KCNIP4: variants seen among roughly 807,000 people sequenced by gnomAD.
The protein encoded by KCNIP4 is Kv channel-interacting protein 4.
Under a neutral mutation model 34.0 loss-of-function variants are expected in KCNIP4, and 12 were observed. The ratio of observed to expected loss-of-function variants is 0.35; its 90% CI spans 0.23 to 0.57. KCNIP4 has a LOEUF of 0.57. Ranked by LOEUF, KCNIP4 falls within the 20% of genes least tolerant of loss-of-function variation. The pLI is 0.83. For synonymous variants in KCNIP4, 124 were observed against 102.2 expected, an observed-to-expected ratio of 1.21 and a Z score of -1.29; for missense variants, 238 against 311.7, an observed-to-expected ratio of 0.76 and a Z score of 1.78.
chr4:21,614,583 A>T (rs1055648830), intron 1 of KCNIP4, among the ~76,000 whole-genome samples: 27 of 148,422 alleles, frequency 1.8e-4, no homozygotes, highest in African/African-American at 5.9e-4. Context: ...TATAAAATAA[A>T]ATTACATTAC....
chr4:21,620,041 G>A (rs1577704784), intron 1 of KCNIP4, among the ~76,000 whole-genome samples: 2 of 152,340 alleles, frequency 1.3e-5, no homozygotes, highest in Non-Finnish European at 2.9e-5. Flanking sequence ...AGAAGTAAGG[G>A]TAGGTAATAT....
At chr4:21,819,017 T>C (rs1360985103) in intron 1 of KCNIP4, among the ~76,000 whole-genome samples, 1 of 152,240 alleles carries the variant, frequency 6.6e-6, no homozygotes, top group Non-Finnish European at 1.5e-5. Context: ...GGTTCTAGCA[T>C]GACCACACTT....
At chr4:20,739,164 A>G (rs981030101) in intron 5 of KCNIP4, among the ~76,000 whole-genome samples, 2 of 152,234 alleles carry the variant, frequency 1.3e-5, no homozygotes, top group African/African-American at 4.8e-5. Flanking sequence ...GGGGCAGGTC[A>G]TAGCTGAACA....
At chr4:20,793,297 G>C (rs1713018050) in intron 3 of KCNIP4, among the ~76,000 whole-genome samples, 1 of 152,136 alleles carries the variant, frequency 6.6e-6, no homozygotes, top group South Asian at 2.1e-4. Flanking sequence ...AAAGGATTAA[G>C]ACTAAGTGAA....
At position 21,653,071 on chromosome 4, in the gene KCNIP4, T is replaced by C. The variant is rs559266208; in HGVS notation, c.61+295500A>G. 1.4e-4 allele frequency among the ~76,000 whole-genome samples: 21 copies of C among 152,360 alleles called. No homozygotes were observed. In the South Asian group the frequency reaches 4.1e-3, roughly 30 times the overall value. ...CAAGAGCACCAGACCTCTCTGGTGA[T>C]ATTCCACAAATTCATTATGCACCTT... On this transcript the variant is annotated intron_variant, in intron 1 of 8. Coordinates refer to ENST00000382152, the MANE Select transcript of KCNIP4 (RefSeq NM_025221.6).
At chr4:21,062,240 A>G (rs1250796247) in intron 1 of KCNIP4, among the ~76,000 whole-genome samples, 1 of 152,192 alleles carries the variant, frequency 6.6e-6, no homozygotes, top group East Asian at 1.9e-4. Context: ...CAAATGGATA[A>G]GAAATCTCTC....
chr4:21,355,016 A>G (rs1432661104), intron 1 of KCNIP4, among the ~76,000 whole-genome samples: 2 of 152,322 alleles, frequency 1.3e-5, no homozygotes, highest in Non-Finnish European at 2.9e-5. Context: ...ACTCAACTAC[A>G]TGGAAACTGA....
chr4:21,479,167 A>T (rs903771261), intron 1 of KCNIP4, among the ~76,000 whole-genome samples: 1 of 152,188 alleles, frequency 6.6e-6, no homozygotes, highest in Non-Finnish European at 1.5e-5. Context: ...CAGTATCTGC[A>T]GGGCATAAGT....
At chr4:20,823,978 C>T (rs1717414268) in intron 3 of KCNIP4, among the ~76,000 whole-genome samples, 1 of 152,152 alleles carries the variant, frequency 6.6e-6, no homozygotes. Flanking sequence ...GCTTGAACCC[C>T]AGCACTGCTA....
intron 3 of KCNIP4, among the ~76,000 whole-genome samples, chr4:20,822,395 G>A (rs1210074596): frequency 6.6e-6 from 1 of 152,124 alleles, no homozygotes. Context: ...TGCAAGAATG[G>A]CCATAATTAA....
intron 1 of KCNIP4, among the ~76,000 whole-genome samples, chr4:21,170,139 A>G (rs904352613): frequency 6.6e-6 from 1 of 152,108 alleles, no homozygotes; most frequent in Non-Finnish European, 1.5e-5. Context: ...TATTTTTGGA[A>G]ATTGTTCTGA....
At chr4:21,659,938 T>C (rs1036909061) in intron 1 of KCNIP4, among the ~76,000 whole-genome samples, 3 of 152,190 alleles carry the variant, frequency 2.0e-5, no homozygotes, top group Admixed American at 2.0e-4. Flanking sequence ...TCCCTTTTCG[T>C]TTGTTCCATG....
At chr4:21,862,937 G>GA (rs1725172760) in intron 1 of KCNIP4, among the ~76,000 whole-genome samples, 1 of 147,378 alleles carries the variant, frequency 6.8e-6, no homozygotes, top group Non-Finnish European at 1.5e-5. Context: ...CTCCAGCCTG[G>GA]GTGACCGAGT....
intron 1 of KCNIP4, among the ~76,000 whole-genome samples, chr4:21,186,899 C>T (rs1368863687): frequency 6.6e-6 from 1 of 152,130 alleles, no homozygotes; most frequent in African/African-American, 2.4e-5. Context: ...TCCCTCATCC[C>T]AAAGTGCTGG....
At chr4:21,384,627 G>A (rs192653716) in intron 1 of KCNIP4, among the ~76,000 whole-genome samples, 15 of 152,318 alleles carry the variant, frequency 9.8e-5, no homozygotes, top group Admixed American at 7.2e-4. Flanking sequence ...AACATTTACC[G>A]TGTGCTCACA....
intron 1 of KCNIP4, among the ~76,000 whole-genome samples, chr4:20,968,192 G>A (rs1734568230): frequency 6.6e-6 from 1 of 152,142 alleles, no homozygotes; most frequent in Admixed American, 6.5e-5. Flanking sequence ...ATCATCACTG[G>A]CCATCAGAGA....
intron 1 of KCNIP4, among the ~76,000 whole-genome samples, chr4:21,633,927 ATACT>A (rs1288970509): frequency 6.6e-6 from 1 of 152,076 alleles, no homozygotes; most frequent in Admixed American, 6.6e-5. Flanking sequence ...TTATTAGAAA[ATACT>A]TACATTCTCA....
At chr4:21,460,616 C>T (rs539758715) in intron 1 of KCNIP4, among the ~76,000 whole-genome samples, 15 of 152,080 alleles carry the variant, frequency 9.9e-5, no homozygotes, top group African/African-American at 3.6e-4. Context: ...GCCTCTCTTC[C>T]TCTTCTTATA....
At chr4:21,371,356 T>G (rs1720432477) in intron 1 of KCNIP4, among the ~76,000 whole-genome samples, 2 of 146,182 alleles carry the variant, frequency 1.4e-5, no homozygotes, top group South Asian at 4.3e-4. Context: ...TTGGAATAGT[T>G]TTGGCAGATG....
Sources: allele counts gnomAD v4.1 joint callset (sites outside exome capture counted in the v4.1 genomes callset), GRCh38; gene constraint gnomAD v4.1.1; transcripts MANE v1.5; gene names NCBI Gene and HGNC (gene_info 2026-07-23, HGNC 2026-07-21).